The following SPAG16 variants were observed in gnomAD, a reference collection of about 807,000 sequenced individuals.
SPAG16 encodes sperm associated antigen 16.
In SPAG16, 86 loss-of-function variants were observed where a neutral mutation model predicts 80.4. The ratio of observed to expected loss-of-function variants is 1.07; its 90% CI spans 0.90 to 1.28. The LOEUF is 1.28. Ranked by LOEUF, SPAG16 falls within the 50% of genes most tolerant of loss-of-function variation. The pLI is 0.00. For synonymous variants in SPAG16, 294 were observed against 265.9 expected (o/e 1.11, Z -1.03); for missense variants, 870 against 765.3 (o/e 1.14, Z -1.61).
chr2:213,619,180 C>T (rs2061692679), intron 10 of SPAG16, among the ~76,000 whole-genome samples: 1 of 152,236 alleles, frequency 6.6e-6, no homozygotes, highest in East Asian at 1.9e-4. Context: ...GGACCCTTCC[C>T]TCTCAGCCTA....
intron 10 of SPAG16, among the ~76,000 whole-genome samples, chr2:213,832,097 A>G (rs555067187): frequency 1.3e-5 from 2 of 152,134 alleles, no homozygotes; most frequent in Admixed American, 1.3e-4. Context: ...CCCCGGGTTC[A>G]AGTGGTTCTC....
chr2:213,621,230 T>G (rs981285421), intron 10 of SPAG16, among the ~76,000 whole-genome samples: 25 of 152,314 alleles, frequency 1.6e-4, no homozygotes, highest in African/African-American at 5.5e-4. Flanking sequence ...TTGATCTTTT[T>G]TGTTAGTCAA....
At chr2:213,520,165 T>G (rs1312735238) in intron 10 of SPAG16, among the ~76,000 whole-genome samples, 1 of 151,812 alleles carries the variant, frequency 6.6e-6, no homozygotes, top group African/African-American at 2.4e-5. Flanking sequence ...AGCCAAGGAA[T>G]GACCAGGACT....
chr2:213,609,232 G>A (rs2061365078), intron 10 of SPAG16, among the ~76,000 whole-genome samples: 1 of 152,090 alleles, frequency 6.6e-6, no homozygotes, highest in Non-Finnish European at 1.5e-5. Context: ...GCAGCTATCA[G>A]CTTGATTCTA....
chr2:214,107,537 G>A (rs1559801643), intron 13 of SPAG16, among the ~76,000 whole-genome samples: 1 of 152,114 alleles, frequency 6.6e-6, no homozygotes, highest in African/African-American at 2.4e-5. Flanking sequence ...ATTATAATGT[G>A]TTATAGGTCC....
rs576579154 is a variant in SPAG16, at chr2:213,797,372, C to T, written c.1071-65113C>T. On this transcript the variant is annotated intron_variant, in intron 10 of 15. Coordinates refer to ENST00000331683, the MANE Select transcript of SPAG16 (RefSeq NM_024532.5). ...GTCTCACCCAGGGCAACTTACAATC[C>T]TGTAGTTTTCATTCATAGTGCCGAG... Among the ~76,000 whole-genome samples the T allele has an allele frequency of 3.7e-4, 57 of 152,230 alleles. 1 individual carries two copies. In the South Asian group the frequency reaches 0.012, roughly 31 times the overall value.
intron 14 of SPAG16, among the ~76,000 whole-genome samples, chr2:214,146,654 A>G (rs1271302632): frequency 6.6e-6 from 1 of 152,156 alleles, no homozygotes; most frequent in Non-Finnish European, 1.5e-5. Context: ...TCCGTTACCA[A>G]GTATCTTTCA....
intron 9 of SPAG16, among the ~76,000 whole-genome samples, chr2:213,379,789 G>C (rs554606417): frequency 1.2e-3 from 188 of 152,268 alleles, no homozygotes; most frequent in Non-Finnish European, 1.8e-3. Flanking sequence ...GCCATAACCA[G>C]GTCAGCCATG....
rs181367749 is a variant in SPAG16 at position 213,730,410 on chromosome 2, G to T, written c.1071-132075G>T. Reference sequence around the variant, plus strand: ...TGATTTTGTATCCTGCCCTTTGTGGGATAATTGGATTGTCTTGACTTTTTT... The same window carrying T: ...TGATTTTGTATCCTGCCCTTTGTGGTATAATTGGATTGTCTTGACTTTTTT... On this transcript the variant is annotated intron_variant, in intron 10 of 15. Coordinates refer to ENST00000331683, the MANE Select transcript of SPAG16 (RefSeq NM_024532.5). 2.0e-3 allele frequency among the ~76,000 whole-genome samples: 311 copies of T among 152,260 alleles called. 2 individuals are homozygous for T. Among genetic ancestry groups the T allele is most frequent in the African/African-American group, 6.9e-3 (286 of 41,554 alleles).
chr2:213,918,525 A>G (rs893860903), intron 11 of SPAG16, among the ~76,000 whole-genome samples: 2 of 152,154 alleles, frequency 1.3e-5, no homozygotes, highest in Admixed American at 1.3e-4. Flanking sequence ...TAATTGAATT[A>G]AGGCAGGACT....
intron 15 of SPAG16, among the ~76,000 whole-genome samples, chr2:214,367,041 T>TCACC (rs1244491822): frequency 6.6e-6 from 1 of 152,064 alleles, no homozygotes; most frequent in African/African-American, 2.4e-5. Context: ...ACCTCTTTGG[T>TCACC]CACCCTAGGG....
chr2:213,862,666 C>A lies in SPAG16; in HGVS notation c.1214+38C>A. The A allele has an allele frequency of 1.9e-6, 3 of 1,607,366 alleles. No individual in the cohort carries two copies. The South Asian group carries it at 3.3e-5, about 18-fold the overall frequency. On this transcript the variant is annotated intron_variant, in intron 11 of 15. Coordinates refer to ENST00000331683, the MANE Select transcript of SPAG16 (RefSeq NM_024532.5). ...GACCCCTAGAAATAGCCTAATCTCT[C>A]TAGGAATGTGCTCCTTTACTCTGTC...
chr2:214,001,368 A>C (rs762936821), intron 12 of SPAG16, among the ~76,000 whole-genome samples: 3 of 152,206 alleles, frequency 2.0e-5, no homozygotes, highest in Non-Finnish European at 4.4e-5. Context: ...AAGTCATGGA[A>C]TTTTTAGAAG....
At chr2:214,104,488 TG>T (rs1314283647) in intron 13 of SPAG16, among the ~76,000 whole-genome samples, 1 of 151,376 alleles carries the variant, frequency 6.6e-6, no homozygotes, top group East Asian at 1.9e-4. Context: ...GCCCCCAGAG[TG>T]GTGATAGTGG....
intron 9 of SPAG16, among the ~76,000 whole-genome samples, chr2:213,446,834 G>T (rs922457910): frequency 1.3e-5 from 2 of 152,136 alleles, no homozygotes; most frequent in African/African-American, 4.8e-5. Flanking sequence ...TACCCTCTGT[G>T]CCTCAGACAT....
At chr2:214,173,511 T>C (rs1201334103) in intron 15 of SPAG16, among the ~76,000 whole-genome samples, 1 of 151,932 alleles carries the variant, frequency 6.6e-6, no homozygotes, top group Non-Finnish European at 1.5e-5. Flanking sequence ...CCTTGTAGTA[T>C]AGTATGAAGT....
At chr2:213,289,714 A>T (rs2062193796) in intron 1 of SPAG16, among the ~76,000 whole-genome samples, 2 of 152,334 alleles carry the variant, frequency 1.3e-5, no homozygotes, top group South Asian at 4.1e-4. Flanking sequence ...TAGATTTTAG[A>T]TTGAGTCTGT....
At position 213,795,221 on chromosome 2, in the gene SPAG16, T is replaced by A. The variant is rs144059755; in HGVS notation, c.1071-67264T>A. ...AGTAATGAGATGTTATGTTTAGCAATGATTAAGAATTGTTATTGGCAAATT... is the reference window on the plus strand; with the variant it reads ...AGTAATGAGATGTTATGTTTAGCAAAGATTAAGAATTGTTATTGGCAAATT... On this transcript the variant is annotated intron_variant, in intron 10 of 15. Coordinates refer to ENST00000331683, the MANE Select transcript of SPAG16 (RefSeq NM_024532.5). 7.9e-5 allele frequency among the ~76,000 whole-genome samples: 12 copies of A among 152,304 alleles called. No homozygotes were observed. In the East Asian group the frequency reaches 2.3e-3, roughly 29 times the overall value.
At chr2:213,309,901 C>T (rs1402695657) in intron 3 of SPAG16, among the ~76,000 whole-genome samples, 158 bp from the exon 4 acceptor site, 1 of 151,872 alleles carries the variant, frequency 6.6e-6, no homozygotes, top group Non-Finnish European at 1.5e-5. Context: ...TCTGCTTTAT[C>T]CCCAGTAATT....
Sources: gnomAD v4.1 joint callset for allele counts (sites outside exome capture counted in the v4.1 genomes callset) on GRCh38, gnomAD v4.1.1 for gene constraint, MANE v1.5 for transcripts, NCBI Gene and HGNC (gene_info 2026-07-23, HGNC 2026-07-21) for gene names.